The following DGKZ variants were observed in gnomAD, a reference collection of about 807,000 sequenced individuals.
DGKZ encodes DAG kinase zeta.
In DGKZ, 45 loss-of-function variants were observed where a neutral mutation model predicts 142.5. The observed-to-expected ratio is 0.32, with a 90% CI of 0.25 to 0.40. The LOEUF (loss-of-function observed/expected upper bound fraction) is 0.40, where lower values mean the gene tolerates loss of function less well. Among genes scored for constraint, DGKZ ranks in the 10% least tolerant of loss-of-function variants. DGKZ has a pLI of 1.00. For missense variants in DGKZ, 755 were observed against 1,306.5 expected (o/e 0.58, Z 6.51); for synonymous variants, 442 against 527.0 (o/e 0.84, Z 2.21).
exon 22 of DGKZ, chr11:46,376,125 C>G (rs755143793): frequency 6.2e-7 from 1 of 1,611,296 alleles, no homozygotes; most frequent in Non-Finnish European, 8.5e-7. Flanking sequence ...CTGCCGTGCC[C>G]ACATTGAGAG....
At chr11:46,347,300 T>C (rs1356464347), upstream of DGKZ, 4 of 984,918 alleles carry the variant, frequency 4.1e-6, no homozygotes, top group South Asian at 4.7e-5. The surrounding 1 kb of genome is among the most constrained non-coding windows in gnomAD (Gnocchi z 6.4). Flanking sequence ...GCCCCGCCCA[T>C]TCGTCGCCCC....
intron 1 of DGKZ, among the ~76,000 whole-genome samples, chr11:46,356,076 G>A (rs766620553): frequency 1.1e-3 from 162 of 152,294 alleles, no homozygotes; most frequent in Middle Eastern, 0.01. Context: ...GGGTGAGGGG[G>A]AAATGCTTCT....
intron 27 of DGKZ, 153 bp downstream of exon 27, chr11:46,378,653 A>G: frequency 1.9e-6 from 2 of 1,065,784 alleles, no homozygotes; most frequent in Non-Finnish European, 2.8e-6. Flanking sequence ...GTCCCATTCC[A>G]CTTCACTGTA....
At chr11:46,348,559 C>T (rs1355626160) in intron 1 of DGKZ, among the ~76,000 whole-genome samples, 1 of 147,090 alleles carries the variant, frequency 6.8e-6, no homozygotes, top group Non-Finnish European at 1.5e-5. Context: ...CTGGAATCTG[C>T]TGGCTGTTCA....
At position 46,366,164 on chromosome 11, in the gene DGKZ, G is replaced by A. The variant is rs865979186; in HGVS notation, c.162-1127G>A. 3 of 1,417,510 alleles carry A rather than the reference G, an allele frequency of 2.1e-6. No individual in the cohort carries two copies. In the Middle Eastern group the frequency reaches 7.6e-4, roughly 360 times the overall value. 87.8% of individuals were successfully genotyped at this position (1,417,510 alleles called of 1,614,324 possible). ...GTTGCTTCCCTTCTCATGGGGCAGA[G>A]GCTGTGAATGGGCTCCCGGACACAG... On this transcript the variant is annotated intron_variant, in intron 1 of 30. Transcript: ENST00000527911.
At chr11:46,346,402 C>T (rs1008108096), upstream of DGKZ, among the ~76,000 whole-genome samples, 1 of 151,838 alleles carries the variant, frequency 6.6e-6, no homozygotes, top group Admixed American at 6.6e-5. Flanking sequence ...GTCAGCCCTG[C>T]GGGGGCCATC....
intron 16 of DGKZ, 59 bp downstream of exon 16, chr11:46,374,513 C>T: frequency 6.2e-7 from 1 of 1,613,204 alleles, no homozygotes; most frequent in Non-Finnish European, 8.5e-7. Context: ...TGCCCGTGCC[C>T]ACCTGTGTCC....
At chr11:46,369,741 C>G (rs1014887849) in intron 5 of DGKZ, 191 bp downstream of exon 5, 1 of 898,586 alleles carries the variant, frequency 1.1e-6, no homozygotes, top group Non-Finnish European at 1.7e-6. Context: ...CTTGTGCCTC[C>G]TGGTGCTTCC....
upstream of DGKZ, among the ~76,000 whole-genome samples, chr11:46,347,147 T>G (rs529699000): frequency 3.3e-5 from 5 of 152,230 alleles, no homozygotes; most frequent in South Asian, 1.0e-3. This position sits in a 1 kb window ranked among gnomAD's most constrained non-coding sequence, Gnocchi z 6.4. Flanking sequence ...GAGTGTACAC[T>G]TGTGAGCGTG....
intron 14 of DGKZ, among the ~76,000 whole-genome samples, chr11:46,373,448 G>A (rs1401358299): frequency 4.7e-5 from 7 of 149,458 alleles, no homozygotes; most frequent in African/African-American, 1.7e-4. Context: ...CACCACACCT[G>A]GCTAATTTTT....
exon 28 of DGKZ, chr11:46,378,993 C>T (rs1169840557): frequency 6.4e-7 from 1 of 1,551,864 alleles, no homozygotes; most frequent in East Asian, 2.3e-5. Context: ...GCCCTCAGCT[C>T]CAGGAGCTGC....
At chr11:46,378,133 G>A (rs1027415670) in intron 25 of DGKZ, 65 bp from the exon 26 acceptor site, 22 of 1,566,424 alleles carry the variant, frequency 1.4e-5, no homozygotes, top group Middle Eastern at 3.3e-4. Flanking sequence ...CCCCAGTTGG[G>A]GTTGGGGAGG....
At chr11:46,365,180 C>A (rs1943105963) in intron 1 of DGKZ, 1 of 985,246 alleles carries the variant, frequency 1.0e-6, no homozygotes, top group African/African-American at 1.7e-5. Flanking sequence ...AGGATGATGC[C>A]CACAGCTCCT....
At chr11:46,376,174 C>T (rs745353319) in intron 22 of DGKZ, 29 bp downstream of exon 22, 2 of 1,610,214 alleles carry the variant, frequency 1.2e-6, no homozygotes, top group South Asian at 1.1e-5. Flanking sequence ...CCCAGGTGCC[C>T]ACCGAGAGGG....
exon 8 of DGKZ, chr11:46,371,549 C>T (rs145167399): frequency 6.8e-6 from 11 of 1,610,714 alleles, no homozygotes; most frequent in Non-Finnish European, 9.3e-6. Context: ...CGCTGGGGGT[C>T]CACGCAGCCG....
intron 22 of DGKZ, 33 bp from the exon 23 acceptor site, chr11:46,376,295 C>T: frequency 6.2e-7 from 1 of 1,613,426 alleles, no homozygotes. Flanking sequence ...GGCCCCCACT[C>T]TATCCCAGCC....
At chr11:46,369,878 A>G (rs1441322834) in intron 5 of DGKZ, 63 bp from the exon 6 acceptor site, 8 of 1,566,660 alleles carry the variant, frequency 5.1e-6, no homozygotes, top group South Asian at 1.1e-5. Flanking sequence ...CCGTGTGGGC[A>G]GTCCTCAGGA....
chr11:46,349,959 T>A (rs1414908701), intron 1 of DGKZ, among the ~76,000 whole-genome samples: 1 of 152,188 alleles, frequency 6.6e-6, no homozygotes, highest in African/African-American at 2.4e-5. Flanking sequence ...GTTTGAAGCT[T>A]CCCAGGTGAT....
chr11:46,336,604 T>C (rs1940027225), intron 1 of DGKZ, among the ~76,000 whole-genome samples: 1 of 152,086 alleles, frequency 6.6e-6, no homozygotes, highest in African/African-American at 2.4e-5. Context: ...AGATAGGGTC[T>C]CACTGTGTGT....
Sources: gnomAD v4.1 joint callset for allele counts (sites outside exome capture counted in the v4.1 genomes callset) on GRCh38, gnomAD v4.1.1 for gene constraint, Gnocchi (gnomAD v3.1) non-coding constraint, MANE v1.5 for transcripts, NCBI Gene and HGNC (gene_info 2026-07-23, HGNC 2026-07-21) for gene names.